The following ARFGEF1 variants were observed in gnomAD, a reference collection of about 807,000 sequenced individuals.
The protein encoded by ARFGEF1 is ARF guanine nucleotide exchange factor 1.
ARFGEF1 carries 42 observed loss-of-function variants against 231.0 expected under a neutral mutation model. The observed-to-expected ratio is 0.18, with a 90% confidence interval of 0.14 to 0.24. ARFGEF1 has a LOEUF of 0.24. ARFGEF1 is among the 10% of genes least tolerant of loss of function. ARFGEF1 has a pLI of 1.00. For synonymous variants in ARFGEF1, 710 were observed against 732.3 expected (o/e 0.97, Z 0.49); for missense variants, 1,345 against 2,192.0 (o/e 0.61, Z 7.72).
chr8:67,224,341 T>C lies in ARFGEF1; in HGVS notation c.4208+562A>G, dbSNP rs1357895436. 2.6e-5 allele frequency among the ~76,000 whole-genome samples: 4 copies of C among 152,290 alleles called. No homozygotes were observed. The East Asian group carries it at 5.8e-4, about 22-fold the overall frequency. ...CATGTGAGCCGTGACCTAAGAACAG[T>C]GTGTTAGCATTTGGCCAGTTACATA... On this transcript the variant is annotated intron_variant, in intron 29 of 38. Transcript: ENST00000262215.
intron 14 of ARFGEF1, among the ~76,000 whole-genome samples, chr8:67,264,961 A>G (rs1776486793): frequency 6.6e-6 from 1 of 152,202 alleles, no homozygotes; most frequent in South Asian, 2.1e-4. Flanking sequence ...CAAGTACCAA[A>G]TATGTGTTTA....
At chr8:67,310,526 G>A (rs1237994749) in intron 1 of ARFGEF1, among the ~76,000 whole-genome samples, 1 of 152,108 alleles carries the variant, frequency 6.6e-6, no homozygotes, top group Non-Finnish European at 1.5e-5. Flanking sequence ...CACCCCATCT[G>A]GGAAGTGAGG....
At chr8:67,314,791 T>A (rs1052928245) in intron 1 of ARFGEF1, among the ~76,000 whole-genome samples, 1 of 152,178 alleles carries the variant, frequency 6.6e-6, no homozygotes, top group Non-Finnish European at 1.5e-5. Flanking sequence ...TAATCTGGCC[T>A]CCTGTCCTCC....
intron 1 of ARFGEF1, among the ~76,000 whole-genome samples, chr8:67,302,817 G>A (rs1011848062): frequency 2.0e-5 from 3 of 148,994 alleles, no homozygotes; most frequent in African/African-American, 7.4e-5. Flanking sequence ...GCTCACGCCT[G>A]TAATCCTAGT....
At chr8:67,313,162 G>A (rs1392728256) in intron 1 of ARFGEF1, among the ~76,000 whole-genome samples, 3 of 152,190 alleles carry the variant, frequency 2.0e-5, no homozygotes, top group Non-Finnish European at 4.4e-5. Flanking sequence ...TTGGGAGGCT[G>A]AGCCAGGAAG....
intron 19 of ARFGEF1, among the ~76,000 whole-genome samples, chr8:67,247,062 G>C: frequency 6.7e-6 from 1 of 149,988 alleles, no homozygotes; most frequent in East Asian, 1.9e-4. Flanking sequence ...TTCAAAACCT[G>C]AACAGACCAA....
In ARFGEF1 at chr8:67,198,606, T is replaced by A. The variant is rs1319865765; in HGVS notation, c.*328A>T. 3.8e-6 allele frequency: 4 copies of A among 1,056,276 alleles called. No homozygotes were observed. Among genetic ancestry groups the A allele is most frequent in the Non-Finnish European group, 2.3e-6 (2 of 876,180 alleles). The allele number at this position is 1,056,276 out of a possible 1,614,324, so 65.4% of individuals were successfully genotyped here. A position where few individuals can be genotyped will look rare whatever the true frequency, so the allele number is the denominator to read the frequency against. On this transcript the variant is annotated 3_prime_UTR_variant, in exon 39 of 39. Transcript: ENST00000262215. ...TTCTTGTAGAAGTTCAATCTTTACATCTATAGTTCTTTGGGTAAGTTTCAC... is the reference window on the plus strand; with the variant it reads ...TTCTTGTAGAAGTTCAATCTTTACAACTATAGTTCTTTGGGTAAGTTTCAC...
At chr8:67,308,427 A>C (rs1037389929) in intron 1 of ARFGEF1, among the ~76,000 whole-genome samples, 7 of 152,208 alleles carry the variant, frequency 4.6e-5, no homozygotes, top group African/African-American at 1.7e-4. Context: ...AAGCTCTTTT[A>C]ATGTGTTGTG....
chr8:67,212,787 T>G (rs1020121540), intron 33 of ARFGEF1, among the ~76,000 whole-genome samples: 9 of 152,202 alleles, frequency 5.9e-5, no homozygotes, highest in African/African-American at 1.7e-4. Flanking sequence ...ATTACTCAGT[T>G]CTCAGAATTA....
At chr8:67,234,730 G>A (rs1839660989) in intron 22 of ARFGEF1, among the ~76,000 whole-genome samples, 1 of 152,074 alleles carries the variant, frequency 6.6e-6, no homozygotes, top group South Asian at 2.1e-4. Flanking sequence ...AGATTGATAT[G>A]ATCTAATCTA....
intron 19 of ARFGEF1, 111 bp from the exon 20 acceptor site, chr8:67,240,401 G>C (rs1587114571): frequency 9.3e-7 from 1 of 1,071,124 alleles, no homozygotes; most frequent in Admixed American, 3.3e-5. Flanking sequence ...ATTCTTGGCA[G>C]TTATCTAGAA....
intron 22 of ARFGEF1, among the ~76,000 whole-genome samples, chr8:67,237,534 C>G (rs977412540): frequency 2.6e-5 from 4 of 152,012 alleles, no homozygotes; most frequent in African/African-American, 9.7e-5. Context: ...GATTCCTGCT[C>G]TAAGTAATGC....
At chr8:67,181,893 C>T (rs939186804) in intron 5 of ARFGEF1, among the ~76,000 whole-genome samples, 1 of 152,210 alleles carries the variant, frequency 6.6e-6, no homozygotes, top group Non-Finnish European at 1.5e-5. Flanking sequence ...TTTGACTACT[C>T]TAGGACCTCA....
chr8:67,221,277 G>A lies in ARFGEF1; in HGVS notation c.4209-1717C>T, dbSNP rs547752672. On this transcript the variant is annotated intron_variant, in intron 29 of 38. Transcript: ENST00000262215. ...GTTAATTGGAAAACAGCCTCAAGCA[G>A]GTCCTTCAGTAGGTATTCAGGAAGA... Among the ~76,000 whole-genome samples the A allele has an allele frequency of 7.7e-4, 118 of 152,274 alleles. 2 individuals are homozygous for A. In the South Asian group the frequency reaches 0.024, roughly 31 times the overall value.
Position 67,240,383 on chromosome 8 carries a change from G to A in ARFGEF1, c.2851-93C>T, listed in dbSNP as rs1192464922. ...TAGACAATACAAGTTCTGAAAAAAA[G>A]AAATGAAATTCTTGGCAGTTATCTA... is the stretch of plus-strand genomic sequence containing the variant. On this transcript the variant is annotated intron_variant, in intron 19 of 38. Transcript: ENST00000262215. The A allele has an allele frequency of 4.1e-6, 5 of 1,210,266 alleles. No homozygotes were observed. In the African/African-American group the frequency reaches 7.8e-5, roughly 19 times the overall value. 75.0% of individuals were successfully genotyped at this position (1,210,266 alleles called of 1,614,324 possible). A position where few individuals can be genotyped will look rare whatever the true frequency, so the allele number is the denominator to read the frequency against.
At chr8:67,316,845 G>A (rs1807340180) in intron 1 of ARFGEF1, among the ~76,000 whole-genome samples, 1 of 152,158 alleles carries the variant, frequency 6.6e-6, no homozygotes, top group South Asian at 2.1e-4. Context: ...TTCCTGACAG[G>A]AGCATCTTTA....
intron 22 of ARFGEF1, among the ~76,000 whole-genome samples, chr8:67,235,164 T>C (rs1157136607): frequency 6.7e-6 from 1 of 149,586 alleles, no homozygotes; most frequent in Non-Finnish European, 1.5e-5. Context: ...TAATTTAAAA[T>C]CATTAATAAT....
At chr8:67,193,288 G>T (rs1836927816), downstream of ARFGEF1, among the ~76,000 whole-genome samples, 2 of 152,058 alleles carry the variant, frequency 1.3e-5, no homozygotes, top group South Asian at 4.2e-4. Context: ...GTAGAGATGG[G>T]GTTTCACCAT....
At chr8:67,254,195 C>T (rs1290475319) in intron 17 of ARFGEF1, among the ~76,000 whole-genome samples, 2 of 152,102 alleles carry the variant, frequency 1.3e-5, no homozygotes, top group African/African-American at 4.8e-5. Context: ...ACAGAAATGC[C>T]TTTTGCACCT....
Sources: allele counts gnomAD v4.1 joint callset (sites outside exome capture counted in the v4.1 genomes callset), GRCh38; gene constraint gnomAD v4.1.1; transcripts MANE v1.5; gene names NCBI Gene and HGNC (gene_info 2026-07-23, HGNC 2026-07-21).